The following PCED1B variants were observed in gnomAD, a reference collection of about 807,000 sequenced individuals.
PCED1B encodes PC-esterase domain containing 1B.
For missense variants in PCED1B, 573 were observed against 573.9 expected, an observed-to-expected ratio of 1.00 and a Z score of 0.02; for synonymous variants, 251 against 246.1, an observed-to-expected ratio of 1.02 and a Z score of -0.19.
chr12:47,185,263 A>G (rs1942218108), intron 2 of PCED1B, among the ~76,000 whole-genome samples: 1 of 152,174 alleles, frequency 6.6e-6, no homozygotes, highest in South Asian at 2.1e-4. Context: ...GTGGGCCCTA[A>G]TCCAATAACT....
chr12:47,207,900 A>ATGCTTACATAT (rs1220317106), intron 2 of PCED1B, among the ~76,000 whole-genome samples: 2 of 152,212 alleles, frequency 1.3e-5, no homozygotes, highest in Admixed American at 6.5e-5. Context: ...TGACAGGCAG[A>ATGCTTACATAT]GGTTACAGAT....
chr12:47,089,462 A>ATGTGTG (rs1491315323), intron 1 of PCED1B, among the ~76,000 whole-genome samples: 3 of 26,362 alleles, frequency 1.1e-4, no homozygotes, highest in Non-Finnish European at 2.3e-4. Context: ...AAAAAAATAC[A>ATGTGTG]TATATATATA....
intron 2 of PCED1B, among the ~76,000 whole-genome samples, chr12:47,105,275 G>T (rs2137236653): frequency 6.6e-6 from 1 of 152,244 alleles, no homozygotes; most frequent in South Asian, 2.1e-4. Flanking sequence ...TTCAAGTGAA[G>T]AGGGTCTGGA....
intron 1 of PCED1B, among the ~76,000 whole-genome samples, chr12:47,085,210 A>G (rs561485202): frequency 6.6e-6 from 1 of 152,334 alleles, no homozygotes; most frequent in African/African-American, 2.4e-5. Context: ...GGATGTAACA[A>G]TTGACTATTT....
chr12:47,122,318 G>A (rs1382321658), intron 2 of PCED1B, among the ~76,000 whole-genome samples: 1 of 152,114 alleles, frequency 6.6e-6, no homozygotes, highest in Admixed American at 6.5e-5. Context: ...TTACACCACA[G>A]AAAATTTGCT....
At chr12:47,217,489 A>AAAG (rs1565608034) in intron 3 of PCED1B, among the ~76,000 whole-genome samples, 1 of 112,978 alleles carries the variant, frequency 8.9e-6, no homozygotes, top group African/African-American at 4.6e-5. Context: ...AGAAAGAAAG[A>AAAG]AAGAAAGAAA....
At chr12:47,190,671 C>T (rs1040948335) in intron 2 of PCED1B, among the ~76,000 whole-genome samples, 2 of 152,236 alleles carry the variant, frequency 1.3e-5, no homozygotes, top group Admixed American at 6.5e-5. Flanking sequence ...AGGCATGGCA[C>T]TCTGTGCTCT....
chr12:47,217,771 T>G (rs1943346116), intron 3 of PCED1B, among the ~76,000 whole-genome samples: 1 of 152,080 alleles, frequency 6.6e-6, no homozygotes, highest in Non-Finnish European at 1.5e-5. Flanking sequence ...GAGACAGGGT[T>G]TCACCATGTT....
chr12:47,229,307 G>C (rs887317877), intron 3 of PCED1B, among the ~76,000 whole-genome samples: 7 of 151,560 alleles, frequency 4.6e-5, no homozygotes, highest in African/African-American at 1.5e-4. Flanking sequence ...CTAGCTACTC[G>C]GGAGGCCAAG....
chr12:47,087,258 ACC>A (rs1938032817), intron 1 of PCED1B, among the ~76,000 whole-genome samples: 1 of 152,222 alleles, frequency 6.6e-6, no homozygotes, highest in African/African-American at 2.4e-5. Context: ...CTCACCATAT[ACC>A]AGGCTTCTCA....
At chr12:47,143,247 A>C (rs534439023) in intron 2 of PCED1B, among the ~76,000 whole-genome samples, 1 of 152,296 alleles carries the variant, frequency 6.6e-6, no homozygotes, top group South Asian at 2.1e-4. Flanking sequence ...AATAAAATGC[A>C]TCTAAATTGG....
Position 47,235,392 on chromosome 12 carries a change from A to C in PCED1B, c.329A>C (p.Gln110Pro), listed in dbSNP as rs1435238450. 1 of 1,614,156 alleles carries C rather than the reference A, an allele frequency of 6.2e-7. No homozygotes were observed. The highest frequency in any genetic ancestry group is 8.5e-7 in the Non-Finnish European group (1 of 1,180,034). The change falls in exon 4 of 4, where the codon CAG becomes CCG. Residue 110 changes from glutamine to proline, a missense_variant. Transcript: ENST00000546455. Reference protein sequence around the residue: ...DYLQTILKELQSGEHAPDLVI... With the variant: ...DYLQTILKELPSGEHAPDLVI... ...CTCCAGACCATCTTGAAAGAGCTGC[A>C]GTCGGGCGAGCACGCCCCCGACCTG...
chr12:47,207,253 T>G (rs1942938850), intron 2 of PCED1B, among the ~76,000 whole-genome samples: 1 of 152,220 alleles, frequency 6.6e-6, no homozygotes, highest in Admixed American at 6.5e-5. Flanking sequence ...CCAAAATACA[T>G]AAACATATTG....
intron 1 of PCED1B, among the ~76,000 whole-genome samples, chr12:47,085,039 G>A (rs1937912652): frequency 6.6e-6 from 1 of 152,168 alleles, no homozygotes; most frequent in Admixed American, 6.5e-5. Flanking sequence ...AGTTACTCAG[G>A]AGGCTAAGGC....
intron 2 of PCED1B, among the ~76,000 whole-genome samples, chr12:47,117,540 T>A (rs1221270449): frequency 6.6e-6 from 1 of 152,232 alleles, no homozygotes; most frequent in Admixed American, 6.5e-5. Flanking sequence ...TCCTTCTTTA[T>A]GGCTGCATAG....
chr12:47,148,116 T>C (rs1338395086), intron 2 of PCED1B, among the ~76,000 whole-genome samples: 1 of 152,130 alleles, frequency 6.6e-6, no homozygotes, highest in African/African-American at 2.4e-5. Context: ...GAAGAGCAAA[T>C]GAGGGCAAGA....
At chr12:47,107,143 C>T (rs758777680) in intron 2 of PCED1B, among the ~76,000 whole-genome samples, 1 of 152,158 alleles carries the variant, frequency 6.6e-6, no homozygotes, top group African/African-American at 2.4e-5. Flanking sequence ...TAGGGGTGGG[C>T]GAGTGTCAAC....
Position 47,236,451 on chromosome 12 carries a change from T to C in PCED1B, c.*89T>C. On this transcript the variant is annotated 3_prime_UTR_variant, in exon 4 of 4. Transcript: ENST00000546455. ...ATTGCTTGGCCTGAACAGACTGACC[T>C]TGTTAACTTAAGCCTGGAGTCCATG... The C allele has an allele frequency of 7.6e-7, 1 of 1,313,252 alleles. No individual in the cohort carries two copies. Among genetic ancestry groups the C allele is most frequent in the Non-Finnish European group, 1.0e-6 (1 of 979,942 alleles). The allele number at this position is 1,313,252 out of a possible 1,614,324, so 81.3% of individuals were successfully genotyped here. A position where few individuals can be genotyped will look rare whatever the true frequency, so the allele number is the denominator to read the frequency against.
chr12:47,198,796 C>T (rs916686174), intron 2 of PCED1B, among the ~76,000 whole-genome samples: 2 of 151,868 alleles, frequency 1.3e-5, no homozygotes, highest in African/African-American at 4.8e-5. Flanking sequence ...GAAACCCTGT[C>T]TCTACTAAAA....
Sources: gnomAD v4.1 joint callset for allele counts (sites outside exome capture counted in the v4.1 genomes callset) on GRCh38, gnomAD v4.1.1 for gene constraint, MANE v1.5 for transcripts, NCBI Gene and HGNC (gene_info 2026-07-23, HGNC 2026-07-21) for gene names.